TPH2: variants seen among roughly 807,000 people sequenced by gnomAD.
TPH2 encodes the protein tryptophan 5-hydroxylase 2.
In TPH2, 27 loss-of-function variants were observed where a neutral mutation model predicts 59.1. The ratio of observed to expected loss-of-function variants is 0.46; its 90% CI spans 0.34 to 0.63. The LOEUF is 0.63. Among genes scored for constraint, TPH2 ranks in the 30% least tolerant of loss-of-function variants. TPH2 has a pLI of 0.01. For missense variants in TPH2, 523 were observed against 588.3 expected, an observed-to-expected ratio of 0.89 and a Z score of 1.15; for synonymous variants, 220 against 210.5, an observed-to-expected ratio of 1.05 and a Z score of -0.39.
intron 8 of TPH2, among the ~76,000 whole-genome samples, chr12:71,998,284 C>T (rs1443029158): frequency 6.6e-6 from 1 of 152,048 alleles, no homozygotes; most frequent in African/African-American, 2.4e-5. Flanking sequence ...TATAGGCTGC[C>T]CGTTTACTTC....
chr12:71,938,888 G>A lies in TPH2; in HGVS notation c.-99G>A. 1 of 1,013,256 alleles carries A rather than the reference G, an allele frequency of 9.9e-7. No individual in the cohort carries two copies. Among genetic ancestry groups the A allele is most frequent in the Non-Finnish European group, 1.6e-6 (1 of 641,896 alleles). The allele number at this position is 1,013,256 out of a possible 1,614,324, so 62.8% of individuals were successfully genotyped here. A position where few individuals can be genotyped will look rare whatever the true frequency, so the allele number is the denominator to read the frequency against. ...AGGGTTCTGGACAGCGCCCCAAGCA[G>A]GCAGCTGATCGCACGCCCCTTCCTC... On this transcript the variant is annotated 5_prime_UTR_variant, in exon 1 of 11. Transcript: ENST00000333850.
chr12:72,019,749 A>C (rs1038009256), intron 8 of TPH2, among the ~76,000 whole-genome samples: 8 of 152,142 alleles, frequency 5.3e-5, no homozygotes, highest in African/African-American at 1.9e-4. Flanking sequence ...GCATATCCTT[A>C]GCATCTAGGG....
intron 9 of TPH2, among the ~76,000 whole-genome samples, chr12:72,028,048 T>C (rs1159651603): frequency 1.3e-5 from 2 of 152,184 alleles, no homozygotes; most frequent in African/African-American, 4.8e-5. Flanking sequence ...CCTGTGCCCT[T>C]GTCTCTAGCA....
intron 8 of TPH2, among the ~76,000 whole-genome samples, chr12:72,000,789 G>T (rs1457261781): frequency 3.3e-5 from 5 of 152,146 alleles, no homozygotes; most frequent in Non-Finnish European, 7.4e-5. Flanking sequence ...CCATGTCATT[G>T]CTTCTGTTTT....
intron 8 of TPH2, among the ~76,000 whole-genome samples, chr12:72,020,221 T>C (rs1401913208): frequency 2.0e-5 from 3 of 152,196 alleles, no homozygotes; most frequent in South Asian, 2.1e-4. Flanking sequence ...TCCTACCATG[T>C]ACAGGACAGA....
intron 8 of TPH2, among the ~76,000 whole-genome samples, chr12:71,997,202 T>A (rs1258599074): frequency 6.6e-6 from 1 of 152,180 alleles, no homozygotes; most frequent in African/African-American, 2.4e-5. Context: ...TCTTTGATCT[T>A]GTTTCTGTCA....
At chr12:71,983,757 C>G (rs1281647181) in intron 7 of TPH2, among the ~76,000 whole-genome samples, 3 of 149,748 alleles carry the variant, frequency 2.0e-5, no homozygotes, top group Admixed American at 6.7e-5. Flanking sequence ...GAGAGAGAGA[C>G]AGACAGACAG....
At chr12:71,994,321 A>C in intron 7 of TPH2, 118 bp from the exon 8 acceptor site, 1 of 1,092,282 alleles carries the variant, frequency 9.2e-7, no homozygotes, top group Non-Finnish European at 1.4e-6. Context: ...GCATTGATGA[A>C]CTGTAGTAAC....
chr12:72,006,844 C>A (rs1182392136), intron 8 of TPH2, among the ~76,000 whole-genome samples: 1 of 152,100 alleles, frequency 6.6e-6, no homozygotes, highest in African/African-American at 2.4e-5. Context: ...TGATACTATA[C>A]AATCTTGTAG....
Position 71,948,458 on chromosome 12 carries a change from A to G in TPH2, c.541-1130A>G, listed in dbSNP as rs138337331. ...ACAATGGAAGTTCTTCATTTCTGTCAAGCAGACAGCCCTGTGAAGATTTCT... is the reference window on the plus strand; with the variant it reads ...ACAATGGAAGTTCTTCATTTCTGTCGAGCAGACAGCCCTGTGAAGATTTCT... On this transcript the variant is annotated intron_variant, in intron 4 of 10. Coordinates refer to ENST00000333850, the MANE Select transcript of TPH2 (RefSeq NM_173353.4). Among the ~76,000 whole-genome samples the G allele has an allele frequency of 4.5e-3, 691 of 152,238 alleles. 7 individuals carry two copies. Among genetic ancestry groups the G allele is most frequent in the African/African-American group, 0.016 (646 of 41,532 alleles).
intron 8 of TPH2, among the ~76,000 whole-genome samples, chr12:71,998,510 C>A (rs1386497): frequency 0.83 from 126,593 of 151,684 alleles, 52,911 homozygotes; most frequent in East Asian, 0.96. Context: ...TGAAAAAAAA[C>A]CCCACAGATT....
intron 7 of TPH2, among the ~76,000 whole-genome samples, chr12:71,987,921 ATGTC>A (rs1253791824): frequency 1.3e-5 from 2 of 152,180 alleles, no homozygotes; most frequent in African/African-American, 4.8e-5. Flanking sequence ...AGAAAACACT[ATGTC>A]TGTGCTGTCC....
At chr12:71,986,326 T>A (rs1274293955) in intron 7 of TPH2, among the ~76,000 whole-genome samples, 2 of 152,156 alleles carry the variant, frequency 1.3e-5, no homozygotes, top group African/African-American at 4.8e-5. Flanking sequence ...TTCCAGTGCG[T>A]CCTTAGTTAC....
intron 5 of TPH2, 23 bp downstream of exon 5, chr12:71,949,678 C>G: frequency 6.3e-7 from 1 of 1,588,814 alleles, no homozygotes; most frequent in South Asian, 1.1e-5. Context: ...ATAACTCTTT[C>G]TTGTCACTGG....
chr12:71,959,106 T>C (rs1312649516), intron 5 of TPH2, among the ~76,000 whole-genome samples: 1 of 150,984 alleles, frequency 6.6e-6, no homozygotes, highest in Non-Finnish European at 1.5e-5. Context: ...TACTGCCAAG[T>C]ACTACATGAT....
chr12:72,022,345 C>A (rs1873441834), intron 8 of TPH2, 54 bp from the exon 9 acceptor site: 1 of 1,306,748 alleles, frequency 7.7e-7, no homozygotes, highest in South Asian at 1.2e-5. Flanking sequence ...GCCATTTAAT[C>A]CTATCAAATA....
At chr12:71,965,981 G>A (rs1453275444) in intron 5 of TPH2, among the ~76,000 whole-genome samples, 1 of 152,068 alleles carries the variant, frequency 6.6e-6, no homozygotes, top group Admixed American at 6.6e-5. Flanking sequence ...CTTGAGTGAT[G>A]AATTCCTTTA....
At chr12:71,939,186 C>G in intron 1 of TPH2, 95 bp downstream of exon 1, 1 of 913,486 alleles carries the variant, frequency 1.1e-6, no homozygotes, top group Non-Finnish European at 1.7e-6. Flanking sequence ...TGTAAGCACG[C>G]ACACCTCAAA....
chr12:72,009,989 T>A (rs1364139455), intron 8 of TPH2, among the ~76,000 whole-genome samples: 1 of 152,214 alleles, frequency 6.6e-6, no homozygotes, highest in Non-Finnish European at 1.5e-5. Flanking sequence ...CCATGTCAGT[T>A]TCCCCATGTT....
Sources: gnomAD v4.1 joint callset for allele counts (sites outside exome capture counted in the v4.1 genomes callset) on GRCh38, gnomAD v4.1.1 for gene constraint, MANE v1.5 for transcripts, NCBI Gene and HGNC (gene_info 2026-07-23, HGNC 2026-07-21) for gene names.